GPHN: variants seen among roughly 807,000 people sequenced by gnomAD.
GPHN encodes the protein gephyrin.
A neutral mutation model predicts 95.5 loss-of-function variants in GPHN; 17 were observed. The observed-to-expected ratio is 0.18, with a 90% CI of 0.12 to 0.27. The LOEUF (loss-of-function observed/expected upper bound fraction) is 0.27, where lower values mean the gene tolerates loss of function less well. Ranked by LOEUF, GPHN falls within the 10% of genes least tolerant of loss-of-function variation. GPHN has a pLI of 1.00. For missense variants in GPHN, 660 were observed against 978.1 expected (o/e 0.67, Z 4.34); for synonymous variants, 320 against 322.5 (o/e 0.99, Z 0.08).
the GPHN span, among the ~76,000 whole-genome samples, chr14:67,233,024 G>GA: frequency 1.3e-5 from 2 of 151,554 alleles, no homozygotes; most frequent in Admixed American, 6.6e-5. Flanking sequence ...CTGGAAAATA[G>GA]AAAAAAAAGA....
intron 19 of GPHN, among the ~76,000 whole-genome samples, chr14:67,162,787 C>T (rs1252717803): frequency 6.6e-6 from 1 of 152,164 alleles, no homozygotes; most frequent in African/African-American, 2.4e-5. Context: ...TGTACTAACG[C>T]TACATAACCA....
At chr14:67,367,132 T>C in the GPHN span, among the ~76,000 whole-genome samples, 3 of 152,172 alleles carry the variant, frequency 2.0e-5, no homozygotes, top group South Asian at 2.1e-4. Flanking sequence ...GGTAGCCTAA[T>C]AGGGGAAAAA....
the GPHN span, chr14:67,223,828 C>T: frequency 2.0e-6 from 2 of 985,782 alleles, no homozygotes; most frequent in Non-Finnish European, 2.4e-6. Flanking sequence ...ATCACCTGTT[C>T]CCCTTCCATA....
the GPHN span, among the ~76,000 whole-genome samples, chr14:67,315,111 ATC>A: frequency 0.15 from 23,414 of 151,862 alleles, 3,391 homozygotes; most frequent in East Asian, 0.42. Flanking sequence ...AATCATTTCC[ATC>A]TCTCATTAAT....
the GPHN span, among the ~76,000 whole-genome samples, chr14:67,630,573 T>G: frequency 6.6e-6 from 1 of 152,128 alleles, no homozygotes; most frequent in Non-Finnish European, 1.5e-5. Context: ...AAATATAGTT[T>G]TTATGTTTAT....
At chr14:66,999,959 C>A (rs1478170924) in intron 9 of GPHN, among the ~76,000 whole-genome samples, 3 of 151,734 alleles carry the variant, frequency 2.0e-5, no homozygotes, top group African/African-American at 7.2e-5. Flanking sequence ...CCCTTTACAG[C>A]CTTATCTTTA....
chr14:67,283,785 T>A, the GPHN span, among the ~76,000 whole-genome samples: 1 of 152,212 alleles, frequency 6.6e-6, no homozygotes. Flanking sequence ...TACACATAAT[T>A]CTATAGAAAA....
the GPHN span, among the ~76,000 whole-genome samples, chr14:67,280,900 T>C: frequency 7.0e-6 from 1 of 142,282 alleles, no homozygotes; most frequent in African/African-American, 2.7e-5. Context: ...CTTTTCTTTC[T>C]TTCTTTTTTT....
At chr14:67,648,142 A>G in the GPHN span, 1 of 1,614,050 alleles carries the variant, frequency 6.2e-7, no homozygotes, top group South Asian at 1.1e-5. Flanking sequence ...GGACTAACCT[A>G]TCGAGAAGGC....
chr14:66,657,103 G>A (rs2065349052), intron 1 of GPHN, among the ~76,000 whole-genome samples: 1 of 152,172 alleles, frequency 6.6e-6, no homozygotes, highest in Non-Finnish European at 1.5e-5. Flanking sequence ...ACACATGAAT[G>A]ATAAGAAAGT....
At chr14:67,647,975 A>G in the GPHN span, 1 of 1,424,854 alleles carries the variant, frequency 7.0e-7, no homozygotes, top group Middle Eastern at 1.8e-4. Flanking sequence ...TTGCAACCAT[A>G]AGAAGGATGA....
intron 5 of GPHN, among the ~76,000 whole-genome samples, chr14:66,884,414 T>G (rs906995500): frequency 1.3e-5 from 2 of 152,102 alleles, no homozygotes; most frequent in Non-Finnish European, 2.9e-5. Context: ...GAACAAGTGT[T>G]CAAACTTTAA....
At chr14:67,532,150 C>T in the GPHN span, among the ~76,000 whole-genome samples, 1 of 152,176 alleles carries the variant, frequency 6.6e-6, no homozygotes, top group African/African-American at 2.4e-5. Context: ...TCCTGCACTA[C>T]CAGCTTTCCT....
chr14:66,999,130 C>T (rs957002748), intron 9 of GPHN, among the ~76,000 whole-genome samples: 1 of 151,806 alleles, frequency 6.6e-6, no homozygotes, highest in Non-Finnish European at 1.5e-5. Flanking sequence ...CATGCTTTCT[C>T]CTGTTAAGAA....
the GPHN span, among the ~76,000 whole-genome samples, chr14:67,509,867 A>AG: frequency 6.6e-6 from 1 of 152,066 alleles, no homozygotes; most frequent in Non-Finnish European, 1.5e-5. Context: ...CAATTTTAAA[A>AG]GTAGCTAGGT....
chr14:67,681,562 A>G, the GPHN span, among the ~76,000 whole-genome samples: 1 of 152,156 alleles, frequency 6.6e-6, no homozygotes, highest in African/African-American at 2.4e-5. Flanking sequence ...GAGGGGGATC[A>G]CTTGAAGTCA....
chr14:66,547,459 G>A (rs145333259), intron 1 of GPHN, among the ~76,000 whole-genome samples: 2 of 152,168 alleles, frequency 1.3e-5, no homozygotes, highest in South Asian at 2.1e-4. Context: ...GTCATATGAC[G>A]CATGGGCCAA....
intron 3 of GPHN, among the ~76,000 whole-genome samples, chr14:66,787,952 A>G (rs948922746): frequency 6.6e-6 from 1 of 152,148 alleles, no homozygotes; most frequent in Non-Finnish European, 1.5e-5. Flanking sequence ...TAGACTCAAC[A>G]CAAAAAGCAC....
At chr14:67,389,357 G>A in the GPHN span, among the ~76,000 whole-genome samples, 3 of 152,154 alleles carry the variant, frequency 2.0e-5, no homozygotes, top group African/African-American at 7.2e-5. Flanking sequence ...GGATAGGAGA[G>A]TAGGTCCCCA....
Sources: gnomAD v4.1 joint callset for allele counts (sites outside exome capture counted in the v4.1 genomes callset) on GRCh38, gnomAD v4.1.1 for gene constraint, MANE v1.5 for transcripts, NCBI Gene and HGNC (gene_info 2026-07-23, HGNC 2026-07-21) for gene names.